The following NUP35 variants were observed in gnomAD, a reference collection of about 807,000 sequenced individuals.
NUP35 encodes nucleoporin 35, also known as nucleoporin NUP35.
A neutral mutation model predicts 41.5 loss-of-function variants in NUP35; 25 were observed. That is an observed-to-expected ratio of 0.60 (90% CI 0.44 to 0.84). The LOEUF is 0.84. Ranked by LOEUF, NUP35 falls within the 40% of genes least tolerant of loss-of-function variation. NUP35 has a pLI of 0.00. For missense variants in NUP35, 396 were observed against 396.6 expected (o/e 1.00, Z 0.01); for synonymous variants, 149 against 130.7 (o/e 1.14, Z -0.96).
In NUP35 at chr2:183,130,579, A is replaced by G. The variant is rs760604298; in HGVS notation, c.339+34A>G. 9.4e-6 allele frequency: 15 copies of G among 1,602,232 alleles called. No individual in the cohort carries two copies. In the East Asian group the frequency reaches 3.1e-4, roughly 33 times the overall value. ...AATACCCTTTTGATCCCCAATGAAC[A>G]ACATCATGGTTTTATGTGTCTGTTC... is the stretch of plus-strand genomic sequence containing the variant. On this transcript the variant is annotated intron_variant, in intron 3 of 8. Coordinates refer to ENST00000295119, the MANE Select transcript of NUP35 (RefSeq NM_138285.5).
chr2:183,159,816 A>C, intron 8 of NUP35, 164 bp downstream of exon 8: 1 of 507,502 alleles, frequency 2.0e-6, no homozygotes. Flanking sequence ...TAAAGTTAAC[A>C]TCTTGGCCAA....
intron 8 of NUP35, chr2:183,160,016 A>G (rs536640394): frequency 5.8e-6 from 1 of 171,698 alleles, no homozygotes; most frequent in Non-Finnish European, 1.2e-5. Context: ...AAAGTGCAGA[A>G]CCTTAGGTTG....
rs550978443 is a variant in NUP35, at chr2:183,130,795, C to T, written c.339+250C>T. ...GTGTTTATAGGTATGCCTTATCCAC[C>T]TGCCCATAGCTCCAACCTACTTAAT... On this transcript the variant is annotated intron_variant, in intron 3 of 8. Transcript: ENST00000295119. Among the ~76,000 whole-genome samples, 3 of 152,262 alleles carry T rather than the reference C, an allele frequency of 2.0e-5. No homozygotes were observed. The East Asian group carries it at 5.8e-4, about 29-fold the overall frequency.
intron 7 of NUP35, 142 bp downstream of exon 7, chr2:183,158,553 C>T: frequency 1.5e-6 from 1 of 659,766 alleles, no homozygotes; most frequent in Non-Finnish European, 2.3e-6. Context: ...TTATAGTACT[C>T]TTTGTGGTAA....
Position 183,159,651 on chromosome 2 carries a change from A to G in NUP35, c.902A>G (p.Gln301Arg), listed in dbSNP as rs1685797515. ...TACAAAGCCTCTACTAGTGATTATC[A>G]GGTATTTTAAGGATTGGATAAAAAA... ...TAYKASTSDYQVISDRQTPKK... is the reference protein window; with the variant it reads ...TAYKASTSDYRVISDRQTPKK... The change falls in exon 8 of 9, where the codon CAG becomes CGG. Residue 301 changes from glutamine (Q) to arginine (R), a missense_variant and splice_region_variant. Coordinates refer to ENST00000295119, the MANE Select transcript of NUP35 (RefSeq NM_138285.5). 1.9e-6 allele frequency: 3 copies of G among 1,608,966 alleles called. No homozygotes were observed. The highest frequency in any genetic ancestry group is 2.5e-6 in the Non-Finnish European group (3 of 1,177,138).
chr2:183,152,391 C>G, intron 5 of NUP35, among the ~76,000 whole-genome samples: 1 of 152,116 alleles, frequency 6.6e-6, no homozygotes, highest in Non-Finnish European at 1.5e-5. Flanking sequence ...ATCTCCTGAG[C>G]AGTAGGCACT....
chr2:183,147,592 A>G (rs542283572), intron 4 of NUP35, among the ~76,000 whole-genome samples: 226 of 152,240 alleles, frequency 1.5e-3, no homozygotes, highest in African/African-American at 5.2e-3. Flanking sequence ...CTGTAGTCCC[A>G]TAGTTTGAAG....
At chr2:183,159,463 A>C (rs1559158199) in intron 7 of NUP35, 25 bp from the exon 8 acceptor site, 2 of 1,593,092 alleles carry the variant, frequency 1.3e-6, no homozygotes, top group Non-Finnish European at 8.6e-7. Flanking sequence ...TTATAAACAA[A>C]GGAGTTATTT....
chr2:183,119,403 G>C (rs922708544), intron 1 of NUP35, among the ~76,000 whole-genome samples: 2 of 152,126 alleles, frequency 1.3e-5, no homozygotes, highest in Non-Finnish European at 2.9e-5. Context: ...TACAAAACAA[G>C]TATCTTACAG....
Position 183,151,537 on chromosome 2 carries a change from G to C in NUP35, c.427G>C (p.Gly143Arg). 1 of 1,613,864 alleles carries C rather than the reference G, an allele frequency of 6.2e-7. No homozygotes were observed. Among genetic ancestry groups the C allele is most frequent in the African/African-American group, 1.3e-5 (1 of 74,994 alleles). The change falls in exon 5 of 9, where the codon GGT (glycine) becomes CGT (arginine). Residue 143 changes from glycine (G) to arginine (R), a missense_variant. By Grantham distance (125) the Gly-to-Arg change is moderately radical (BLOSUM62 -2). Transcript: ENST00000295119. The part of the protein sequence containing the change: ...GQSMFSPASI[G>R]QPRKTTLSPA... ...AAGTATGTTTAGTCCAGCAAGTATCGGTCAGCCACGAAAGACGACATTATC... is the reference window on the plus strand; with the variant it reads ...AAGTATGTTTAGTCCAGCAAGTATCCGTCAGCCACGAAAGACGACATTATC...
chr2:183,126,590 TAG>T (rs1416768419), intron 1 of NUP35, among the ~76,000 whole-genome samples: 1 of 152,180 alleles, frequency 6.6e-6, no homozygotes, highest in African/African-American at 2.4e-5. Context: ...ACAATGTAAT[TAG>T]AGTTTTTCAC....
intron 8 of NUP35, 177 bp downstream of exon 8, chr2:183,159,829 G>A: frequency 2.1e-6 from 1 of 480,650 alleles, no homozygotes. Context: ...TTGGCCAATT[G>A]GAAAGTTATC....
intron 2 of NUP35, among the ~76,000 whole-genome samples, chr2:183,128,891 A>G (rs572076347): frequency 2.6e-5 from 4 of 152,316 alleles, no homozygotes; most frequent in African/African-American, 9.6e-5. Context: ...AATGTATTCT[A>G]TGTTTTTTTC....
intron 8 of NUP35, 57 bp from the exon 9 acceptor site, chr2:183,160,997 C>T: frequency 7.7e-7 from 1 of 1,293,696 alleles, no homozygotes; most frequent in Non-Finnish European, 1.1e-6. Flanking sequence ...CTAGAATTGC[C>T]TATGACACTG....
intron 4 of NUP35, among the ~76,000 whole-genome samples, chr2:183,136,916 C>G (rs1684893353): frequency 6.6e-6 from 1 of 151,902 alleles, no homozygotes; most frequent in Non-Finnish European, 1.5e-5. Context: ...ATGGGGAAAC[C>G]CTGTCTCTAG....
intron 4 of NUP35, among the ~76,000 whole-genome samples, chr2:183,139,444 C>T (rs1369717815): frequency 6.6e-6 from 1 of 152,082 alleles, no homozygotes; most frequent in African/African-American, 2.4e-5. Flanking sequence ...TGGTGGCCTC[C>T]ATACAATATG....
At chr2:183,134,689 C>G (rs930673298) in intron 4 of NUP35, among the ~76,000 whole-genome samples, 17 of 151,580 alleles carry the variant, frequency 1.1e-4, no homozygotes, top group Admixed American at 1.1e-3. Context: ...CATCTCGGCT[C>G]ACTGCAACCT....
chr2:183,159,433 C>A, intron 7 of NUP35, 55 bp from the exon 8 acceptor site: 3 of 1,346,330 alleles, frequency 2.2e-6, no homozygotes, highest in Non-Finnish European at 3.1e-6. Flanking sequence ...GGATGTAATA[C>A]TGGATGATAT....
rs142717944 is a variant in NUP35 at position 183,133,709 on chromosome 2, G to A, written c.397+86G>A. 33 of 841,054 alleles carry A rather than the reference G, an allele frequency of 3.9e-5. No homozygotes were observed. In the African/African-American group the frequency reaches 4.7e-4, roughly 12 times the overall value. 52.1% of individuals were successfully genotyped at this position (841,054 alleles called of 1,614,324 possible). On this transcript the variant is annotated intron_variant, in intron 4 of 8. Coordinates refer to ENST00000295119, the MANE Select transcript of NUP35 (RefSeq NM_138285.5). ...CGCTGGAGTGCAGTGGTGTGATCAC[G>A]GAGTAAACAACTCTGACACCAAATA...
Sources: allele counts gnomAD v4.1 joint callset (sites outside exome capture counted in the v4.1 genomes callset), GRCh38; gene constraint gnomAD v4.1.1; transcripts MANE v1.5; gene names NCBI Gene and HGNC (gene_info 2026-07-23, HGNC 2026-07-21).